Variants in GPM6A observed in about 807,000 individuals in gnomAD.
GPM6A encodes the protein neuronal membrane glycoprotein M6-a.
GPM6A carries 7 observed loss-of-function variants against 32.1 expected under a neutral mutation model. That is an observed-to-expected ratio of 0.22 (90% CI 0.12 to 0.41). The LOEUF is 0.41. Ranked by LOEUF, GPM6A falls within the 10% of genes least tolerant of loss-of-function variation. The pLI is 1.00. For missense variants in GPM6A, 235 were observed against 347.2 expected, an observed-to-expected ratio of 0.68 and a Z score of 2.57; for synonymous variants, 130 against 123.4, an observed-to-expected ratio of 1.05 and a Z score of -0.35.
At chr4:175,841,588 A>T (rs1735937982) in intron 1 of GPM6A, among the ~76,000 whole-genome samples, 1 of 152,206 alleles carries the variant, frequency 6.6e-6, no homozygotes, top group Non-Finnish European at 1.5e-5. Context: ...ATGACAACAG[A>T]AACAGAGCAT....
chr4:175,691,501 A>G (rs575826788), intron 2 of GPM6A, among the ~76,000 whole-genome samples: 2 of 152,340 alleles, frequency 1.3e-5, no homozygotes, highest in East Asian at 3.9e-4. Flanking sequence ...ATTTTAATTA[A>G]TTCCACAAAG....
At chr4:175,728,900 T>A (rs1731290956) in intron 1 of GPM6A, among the ~76,000 whole-genome samples, 15 of 152,186 alleles carry the variant, frequency 9.9e-5, no homozygotes, top group Admixed American at 9.8e-4. Context: ...CCTCATCCAG[T>A]GACTCACAGG....
chr4:175,817,378 A>C (rs1735139086), intron 1 of GPM6A, among the ~76,000 whole-genome samples: 1 of 152,186 alleles, frequency 6.6e-6, no homozygotes, highest in African/African-American at 2.4e-5. Flanking sequence ...TGTAGGCAAA[A>C]GGGATACTAA....
chr4:175,904,403 C>A (rs1738060690), intron 1 of GPM6A, among the ~76,000 whole-genome samples: 1 of 152,140 alleles, frequency 6.6e-6, no homozygotes, highest in Non-Finnish European at 1.5e-5. Context: ...TTTACAGATA[C>A]ATGTACACAT....
chr4:175,948,174 C>T (rs151217616), intron 1 of GPM6A, among the ~76,000 whole-genome samples: 93 of 152,188 alleles, frequency 6.1e-4, no homozygotes, highest in African/African-American at 2.1e-3. Context: ...TATTATGATA[C>T]CCTCATGTTA....
chr4:175,926,647 A>ATATTTTAGCTGAAATATTTAT lies in GPM6A; in HGVS notation c.-23+75641_-23+75661dup, dbSNP rs1738847945. Among the ~76,000 whole-genome samples the ATATTTTAGCTGAAATATTTAT allele has an allele frequency of 5.9e-5, 9 of 152,294 alleles. No homozygotes were observed. In the South Asian group the frequency reaches 1.9e-3, roughly 32 times the overall value. On this transcript the variant is annotated intron_variant, in intron 1 of 7. Coordinates refer to the GPM6A transcript ENST00000280187. ...AAGGCACAAAGATAGTATTTGTAAA[A>ATATTTTAGCTGAAATATTTAT]TATTTTAGCTGAAATATTTATTATT...
At chr4:175,937,025 A>G (rs1277224321) in intron 1 of GPM6A, among the ~76,000 whole-genome samples, 1 of 152,166 alleles carries the variant, frequency 6.6e-6, no homozygotes, top group Non-Finnish European at 1.5e-5. Flanking sequence ...TTCCTCAGAT[A>G]CCTATAAATA....
At chr4:175,669,940 T>C (rs1410193518) in intron 3 of GPM6A, among the ~76,000 whole-genome samples, 1 of 151,856 alleles carries the variant, frequency 6.6e-6, no homozygotes, top group African/African-American at 2.4e-5. Context: ...ATGCCAAAAA[T>C]TACCAGCAGC....
chr4:175,638,111 T>G (rs1740921598), intron 6 of GPM6A, among the ~76,000 whole-genome samples: 1 of 150,394 alleles, frequency 6.6e-6, no homozygotes, highest in African/African-American at 2.4e-5. Flanking sequence ...ACTTCCTAAC[T>G]TCTCTACAAA....
At chr4:175,953,450 A>T (rs1291891173) in intron 1 of GPM6A, among the ~76,000 whole-genome samples, 1 of 152,224 alleles carries the variant, frequency 6.6e-6, no homozygotes, top group Non-Finnish European at 1.5e-5. Flanking sequence ...CCACAAAAAG[A>T]GTAGCCAATT....
chr4:175,633,214 A>G lies in GPM6A; in HGVS notation c.*1691T>C, dbSNP rs1449159259. ...TGAAATACTATAATATAGAATTTAA[A>G]GAAGCCCATTAATACTTTTGCTGAA... On this transcript the variant is annotated 3_prime_UTR_variant, in exon 7 of 7. Transcript: ENST00000393658. 1.3e-5 allele frequency: 2 copies of G among 152,532 alleles called. No individual in the cohort carries two copies. The highest frequency in any genetic ancestry group is 4.8e-5 in the African/African-American group (2 of 41,452). 9.4% of individuals were successfully genotyped at this position (152,532 alleles called of 1,614,324 possible). A position where few individuals can be genotyped will look rare whatever the true frequency, so the allele number is the denominator to read the frequency against.
At chr4:175,823,835 C>T (rs1315854747) in intron 1 of GPM6A, among the ~76,000 whole-genome samples, 1 of 152,170 alleles carries the variant, frequency 6.6e-6, no homozygotes, top group Non-Finnish European at 1.5e-5. Flanking sequence ...AGACTGACAA[C>T]TTTTCTCATT....
At chr4:175,936,622 A>G (rs1739244276) in intron 1 of GPM6A, among the ~76,000 whole-genome samples, 1 of 152,142 alleles carries the variant, frequency 6.6e-6, no homozygotes, top group South Asian at 2.1e-4. Flanking sequence ...ATAAAAGAAT[A>G]TTTCAGAATG....
At chr4:175,661,536 A>C (rs534525428) in intron 3 of GPM6A, among the ~76,000 whole-genome samples, 1 of 152,198 alleles carries the variant, frequency 6.6e-6, no homozygotes, top group African/African-American at 2.4e-5. Context: ...AAATGTAATT[A>C]TTGTTTTAAA....
chr4:175,735,194 C>T, intron 1 of GPM6A, among the ~76,000 whole-genome samples: 1 of 152,172 alleles, frequency 6.6e-6, no homozygotes, highest in East Asian at 1.9e-4. Flanking sequence ...AAATCTCTCT[C>T]AAGCTCTAAC....
At chr4:175,836,763 A>G (rs1735781531) in intron 1 of GPM6A, among the ~76,000 whole-genome samples, 1 of 152,164 alleles carries the variant, frequency 6.6e-6, no homozygotes, top group Non-Finnish European at 1.5e-5. Flanking sequence ...ACAATGGGGT[A>G]TATTATGTCC....
At chr4:175,945,805 G>C (rs6825331) in intron 1 of GPM6A, among the ~76,000 whole-genome samples, 2 of 15,790 alleles carry the variant, frequency 1.3e-4, no homozygotes, top group Non-Finnish European at 5.9e-4. Flanking sequence ...TGCATATTAC[G>C]TACAACTCAG....
intron 1 of GPM6A, among the ~76,000 whole-genome samples, chr4:175,715,551 GAT>G (rs1745795565): frequency 6.6e-6 from 1 of 152,146 alleles, no homozygotes; most frequent in South Asian, 2.1e-4. Flanking sequence ...TGGGAGAGGG[GAT>G]GGGAGGAAGA....
intron 6 of GPM6A, among the ~76,000 whole-genome samples, chr4:175,637,282 T>A (rs71644866): frequency 0.41 from 20,934 of 50,760 alleles, 3,927 homozygotes; most frequent in East Asian, 0.56. Flanking sequence ...TATTATATAT[T>A]ATATAAAATA....
Sources: allele counts gnomAD v4.1 joint callset (sites outside exome capture counted in the v4.1 genomes callset), GRCh38; gene constraint gnomAD v4.1.1; transcripts MANE v1.5; gene names NCBI Gene and HGNC (gene_info 2026-07-23, HGNC 2026-07-21).